PDZD2: variants seen among roughly 807,000 people sequenced by gnomAD.
The protein encoded by PDZD2 is PDZ domain-containing protein 2.
A neutral mutation model predicts 220.7 loss-of-function variants in PDZD2; 90 were observed. The ratio of observed to expected loss-of-function variants is 0.41; its 90% CI spans 0.34 to 0.49. The LOEUF (loss-of-function observed/expected upper bound fraction) is 0.49. Ranked by LOEUF, PDZD2 falls within the 20% of genes least tolerant of loss-of-function variation. The probability of loss-of-function intolerance (pLI) is 0.28; values close to 1 mark genes in which losing one functional copy is unlikely to be tolerated. For synonymous variants in PDZD2, 1,375 were observed against 1,450.5 expected (o/e 0.95, Z 1.18); for missense variants, 3,174 against 3,608.5 (o/e 0.88, Z 3.08).
At chr5:31,899,760 G>A (rs1473991196) in intron 2 of PDZD2, among the ~76,000 whole-genome samples, 1 of 152,112 alleles carries the variant, frequency 6.6e-6, no homozygotes, top group Admixed American at 6.5e-5. Flanking sequence ...TCAAATTAGA[G>A]CCCTCATGAA....
intron 2 of PDZD2, among the ~76,000 whole-genome samples, chr5:31,862,910 A>T (rs948845272): frequency 1.3e-5 from 2 of 151,770 alleles, no homozygotes; most frequent in African/African-American, 2.4e-5. Flanking sequence ...TGTATTTTTG[A>T]TAGAGACAGG....
At chr5:31,923,809 G>C (rs1308810828) in intron 2 of PDZD2, among the ~76,000 whole-genome samples, 1 of 152,196 alleles carries the variant, frequency 6.6e-6, no homozygotes, top group Non-Finnish European at 1.5e-5. Context: ...CTCTGTACAG[G>C]TGCCTGGACA....
intron 1 of PDZD2, among the ~76,000 whole-genome samples, chr5:31,722,998 G>A (rs139836445): frequency 3.0e-3 from 454 of 152,296 alleles, no homozygotes; most frequent in African/African-American, 0.01. Flanking sequence ...CACTGCCACA[G>A]TTTTAAATAG....
intron 2 of PDZD2, among the ~76,000 whole-genome samples, chr5:31,915,458 C>T (rs2150373277): frequency 6.6e-6 from 1 of 152,264 alleles, no homozygotes; most frequent in South Asian, 2.1e-4. Flanking sequence ...ACTGAAAGAA[C>T]CATCTTTGTC....
intron 16 of PDZD2, among the ~76,000 whole-genome samples, chr5:32,071,630 C>A (rs1425440355): frequency 6.6e-6 from 1 of 151,858 alleles, no homozygotes. Flanking sequence ...AAGAACAGAG[C>A]AACAAAATAA....
At chr5:32,092,237 G>C (rs1743223040) in intron 20 of PDZD2, among the ~76,000 whole-genome samples, 1 of 147,350 alleles carries the variant, frequency 6.8e-6, no homozygotes, top group Admixed American at 6.9e-5. Flanking sequence ...TCGCGTCACT[G>C]CACTCCAGCC....
At chr5:31,741,495 A>T (rs1279065864) in intron 1 of PDZD2, among the ~76,000 whole-genome samples, 1 of 152,162 alleles carries the variant, frequency 6.6e-6, no homozygotes, top group African/African-American at 2.4e-5. Flanking sequence ...AGTCTGTGCA[A>T]TAAACAAGGG....
At chr5:32,095,235 C>T (rs774051012) in intron 21 of PDZD2, among the ~76,000 whole-genome samples, 1 of 152,194 alleles carries the variant, frequency 6.6e-6, no homozygotes, top group Non-Finnish European at 1.5e-5. Flanking sequence ...CTACTACTCA[C>T]GCTCACCACG....
chr5:31,745,959 A>G (rs764830652), intron 1 of PDZD2, among the ~76,000 whole-genome samples: 14 of 152,154 alleles, frequency 9.2e-5, no homozygotes, highest in Non-Finnish European at 1.6e-4. Context: ...AACTTGATCC[A>G]TAGAGCCAAG....
chr5:31,669,069 T>C (rs1746109109), intron 1 of PDZD2, among the ~76,000 whole-genome samples: 1 of 152,060 alleles, frequency 6.6e-6, no homozygotes, highest in Non-Finnish European at 1.5e-5. Flanking sequence ...TTGGTGTCCC[T>C]GGGGGTGCTA....
At chr5:31,888,285 T>C (rs1740705195) in intron 2 of PDZD2, among the ~76,000 whole-genome samples, 1 of 152,072 alleles carries the variant, frequency 6.6e-6, no homozygotes. Context: ...TTCCGCCTAC[T>C]GGGTTCAAGT....
intron 2 of PDZD2, among the ~76,000 whole-genome samples, chr5:31,864,979 G>A (rs544681596): frequency 1.3e-5 from 2 of 149,032 alleles, no homozygotes; most frequent in East Asian, 4.1e-4. Context: ...CCCCCGAGTA[G>A]CTGGGACTAC....
At chr5:31,985,728 C>A (rs1750659844) in intron 3 of PDZD2, among the ~76,000 whole-genome samples, 1 of 152,046 alleles carries the variant, frequency 6.6e-6, no homozygotes, top group Non-Finnish European at 1.5e-5. Flanking sequence ...AGAGATTACT[C>A]ATCCTCTGCT....
In PDZD2 at chr5:32,101,209, G is replaced by A. The variant is rs1303447517; in HGVS notation, c.8323G>A (p.Gly2775Arg). 1 of 1,613,974 alleles carries A rather than the reference G, an allele frequency of 6.2e-7. No individual in the cohort carries two copies. Among genetic ancestry groups the A allele is most frequent in the African/African-American group, 1.3e-5 (1 of 75,028 alleles). ...DGGKSSVTGD[G>R]PLVIKRVYKG... ...GGGAAAATCATCGGTGACGGGAGAT[G>A]GGCCCTTGGTCATTAAAAGAGTGTA... is the stretch of plus-strand genomic sequence containing the variant. Residue 2775 changes from glycine (G) to arginine (R), a missense_variant, in exon 24 of 25, where the codon GGG becomes AGG. By Grantham distance (125) the Gly-to-Arg change is moderately radical. Around this residue, in one of 4 missense-constraint regions of PDZD2, gnomAD observed 631 missense variants for 789.9 expected, o/e 0.80. Coordinates refer to ENST00000438447, the MANE Select transcript of PDZD2 (RefSeq NM_178140.4).
At chr5:31,645,170 A>G (rs1745088127) in intron 1 of PDZD2, among the ~76,000 whole-genome samples, 1 of 152,146 alleles carries the variant, frequency 6.6e-6, no homozygotes, top group Admixed American at 6.6e-5. Flanking sequence ...TCAGGGAGGA[A>G]TAAACTTAGC....
chr5:31,942,399 G>A (rs1454747328), intron 2 of PDZD2, among the ~76,000 whole-genome samples: 1 of 152,188 alleles, frequency 6.6e-6, no homozygotes, highest in African/African-American at 2.4e-5. Flanking sequence ...GTGTGTGTGT[G>A]TGTGTCAGGG....
chr5:32,088,943 C>A lies in PDZD2; in HGVS notation c.5495C>A (p.Ser1832Tyr), dbSNP rs777524547. ...QPLMPARSPD[S>Y]KIQMVSSSQK... ...CTAATGCCTGCCAGAAGTCCCGACT[C>A]CAAGATTCAGATGGTGAGTTCAAGC... is the stretch of plus-strand genomic sequence containing the variant. The change falls in exon 20 of 25, where the codon TCC becomes TAC. Residue 1832 changes from serine to tyrosine, a missense_variant. This residue lies in a region of PDZD2 where 1,861 missense variants were observed against 2,001.0 expected (regional missense o/e 0.93). Coordinates refer to ENST00000438447, the MANE Select transcript of PDZD2 (RefSeq NM_178140.4). The surrounding 1 kb of genome is among the most constrained non-coding windows in gnomAD (Gnocchi z 4.6). 1.2e-5 allele frequency: 19 copies of A among 1,613,754 alleles called. No homozygotes were observed. In the African/African-American group the frequency reaches 2.5e-4, roughly 22 times the overall value.
intron 2 of PDZD2, among the ~76,000 whole-genome samples, chr5:31,925,064 T>C (rs1322957871): frequency 6.6e-6 from 1 of 152,106 alleles, no homozygotes; most frequent in East Asian, 1.9e-4. Context: ...GGCTGGAAAA[T>C]TGGGACTGAA....
At chr5:31,928,056 G>A (rs1250590549) in intron 2 of PDZD2, among the ~76,000 whole-genome samples, 1 of 152,208 alleles carries the variant, frequency 6.6e-6, no homozygotes, top group Non-Finnish European at 1.5e-5. Flanking sequence ...GATGGGGACT[G>A]AGTTAGGATG....
Sources: allele counts gnomAD v4.1 joint callset (sites outside exome capture counted in the v4.1 genomes callset), GRCh38; gene constraint gnomAD v4.1.1; regional missense constraint gnomAD v4.1.1; non-coding constraint Gnocchi (gnomAD v3.1); transcripts MANE v1.5; gene names NCBI Gene and HGNC (gene_info 2026-07-23, HGNC 2026-07-21).